NLGN4X: variants seen among roughly 807,000 people sequenced by gnomAD.
NLGN4X encodes the protein neuroligin-4, X-linked.
Under a neutral mutation model 40.3 loss-of-function variants are expected in NLGN4X, and 3 were observed. That is an observed-to-expected ratio of 0.07 (90% confidence interval 0.03 to 0.19). NLGN4X has a LOEUF of 0.19. NLGN4X is among the 10% of genes least tolerant of loss of function. NLGN4X has a pLI of 1.00. For synonymous variants in NLGN4X, 270 were observed against 306.8 expected (o/e 0.88, Z 1.25); for missense variants, 382 against 708.3 (o/e 0.54, Z 5.23).
chrX:5,915,314 T>C (rs1352881739), intron 3 of NLGN4X, among the ~76,000 whole-genome samples: 2 of 112,070 alleles, frequency 1.8e-5, no homozygotes, highest in Non-Finnish European at 3.8e-5. Flanking sequence ...CACATTTATC[T>C]AGAATTAAGC....
In NLGN4X at chrX:5,892,644, G is replaced by T. The variant is rs1301688757; in HGVS notation, c.*173C>A. On this transcript the variant is annotated 3_prime_UTR_variant, in exon 6 of 6. Transcript: ENST00000381095. ...AATACTGGAAAACACCAACGATAAG[G>T]GTCTGCCGGGATGGGATGACTGCCT... The T allele has an allele frequency of 3.4e-6, 2 of 581,726 alleles. No individual in the cohort carries two copies. Among genetic ancestry groups the T allele is most frequent in the Non-Finnish European group, 5.5e-6 (2 of 366,460 alleles). 47.9% of individuals were successfully genotyped at this position (581,726 alleles called of 1,213,427 possible). A position where few individuals can be genotyped will look rare whatever the true frequency, so the allele number is the denominator to read the frequency against.
rs868091920 is a variant in NLGN4X, at chrX:6,218,481, C to T, written c.-306+10060G>A. ...GGACATGAGAGATTAAACCCACACACACACACACACACACACACACACACA... is the reference window on the plus strand; with the variant it reads ...GGACATGAGAGATTAAACCCACACATACACACACACACACACACACACACA... On this transcript the variant is annotated intron_variant, in intron 1 of 5. Transcript: ENST00000381095. Among the ~76,000 whole-genome samples the T allele has an allele frequency of 6.4e-4, 69 of 107,647 alleles. No individual in the cohort carries two copies. The South Asian group carries it at 8.5e-3, about 13-fold the overall frequency. The allele number at this position is 107,647 out of a possible 115,157, so 93.5% of individuals were successfully genotyped here.
At chrX:5,909,708 C>T (rs764979817) in intron 3 of NLGN4X, among the ~76,000 whole-genome samples, 4 of 105,337 alleles carry the variant, frequency 3.8e-5, no homozygotes, top group African/African-American at 1.1e-4. Flanking sequence ...TGCATGTATA[C>T]AAAGGCAGTG....
intron 2 of NLGN4X, among the ~76,000 whole-genome samples, chrX:6,138,958 CTCAT>C (rs1050676707): frequency 1.8e-5 from 2 of 110,992 alleles, no homozygotes; most frequent in African/African-American, 6.5e-5. Flanking sequence ...GAAATTTGTT[CTCAT>C]TATTATCTGA....
Position 6,151,684 on chromosome X carries a change from A to C in NLGN4X, c.-218T>G. On this transcript the variant is annotated 5_prime_UTR_variant, in exon 2 of 6. Transcript: ENST00000381095. Reference sequence around the variant, plus strand: ...GAGGCAGCCCTCCCTTAATCCTGAAACTGGATTCCAGCAACTGCAATGCTC... The same window carrying C: ...GAGGCAGCCCTCCCTTAATCCTGAACCTGGATTCCAGCAACTGCAATGCTC... 2.3e-6 allele frequency: 1 copy of C among 431,614 alleles called. No homozygotes were observed. Among genetic ancestry groups the C allele is most frequent in the Non-Finnish European group, 4.0e-6 (1 of 247,468 alleles). 35.6% of individuals were successfully genotyped at this position (431,614 alleles called of 1,213,427 possible). A position where few individuals can be genotyped will look rare whatever the true frequency, so the allele number is the denominator to read the frequency against.
At chrX:6,053,868 T>G (rs1467053562) in intron 2 of NLGN4X, among the ~76,000 whole-genome samples, 1 of 112,322 alleles carries the variant, frequency 8.9e-6, no homozygotes, top group Non-Finnish European at 1.9e-5. Flanking sequence ...AAATAATCAT[T>G]GCAGTCACCA....
At chrX:5,923,026 T>A (rs922430829) in intron 3 of NLGN4X, among the ~76,000 whole-genome samples, 1 of 112,380 alleles carries the variant, frequency 8.9e-6, no homozygotes, top group Non-Finnish European at 1.9e-5. Flanking sequence ...ACATTCACAA[T>A]GTGGTATAAT....
In NLGN4X at chrX:5,999,995, C is replaced by T. The variant is rs1602038259; in HGVS notation, c.625+29285G>A. ...TATATCAGTGTGGACAAATCTGAAT[C>T]AGCCATACAGAATGTAACAATAAAA... On this transcript the variant is annotated intron_variant, in intron 3 of 5. Coordinates refer to ENST00000381095, the MANE Select transcript of NLGN4X (RefSeq NM_181332.3). Among the ~76,000 whole-genome samples, 3 of 112,453 alleles carry T rather than the reference C, an allele frequency of 2.7e-5. No individual in the cohort carries two copies. The South Asian group carries it at 1.1e-3, about 41-fold the overall frequency.
At chrX:6,202,892 T>A (rs755965596) in intron 1 of NLGN4X, among the ~76,000 whole-genome samples, 2 of 112,191 alleles carry the variant, frequency 1.8e-5, no homozygotes, top group Admixed American at 9.4e-5. Context: ...CAACCTTGGA[T>A]GGTTATTCAT....
intron 1 of NLGN4X, among the ~76,000 whole-genome samples, chrX:6,153,776 C>T (rs1602329221): frequency 1.8e-5 from 2 of 111,942 alleles, no homozygotes; most frequent in South Asian, 3.7e-4. Context: ...GACTATGAGT[C>T]ACTTATTGGT....
intron 1 of NLGN4X, among the ~76,000 whole-genome samples, chrX:6,167,069 C>CAAAAAAAAAAA (rs869227439): frequency 1.7e-5 from 1 of 59,287 alleles, no homozygotes; most frequent in Non-Finnish European, 2.9e-5. Flanking sequence ...GAAACTGTCT[C>CAAAAAAAAAAA]AAAAAAAAAA....
intron 3 of NLGN4X, chrX:5,991,618 C>G: frequency 2.3e-6 from 1 of 432,922 alleles, no homozygotes; most frequent in Non-Finnish European, 4.3e-6. Context: ...ATGCAGTGTT[C>G]AGAGGAAGAC....
rs149512448 is a variant in NLGN4X at position 5,903,373 on chromosome X, C to T, written c.1305G>A (p.Thr435=). The T allele has an allele frequency of 2.9e-4, 348 of 1,209,388 alleles. 1 individual carries two copies. The Middle Eastern group carries it at 3.7e-3, about 13-fold the overall frequency. The change falls in exon 5 of 6, where the codon ACG becomes ACA. Residue 435 remains threonine, a synonymous_variant. Coordinates refer to ENST00000381095, the MANE Select transcript of NLGN4X (RefSeq NM_181332.3). ...TDWADKENPE[T]RRKTLVALFT... ...AGAGAGCCACCAGGGTTTTCCGCCG[C>T]GTCTCCGGGTTTTCCTTATCGGCCC...
At chrX:6,225,049 G>A (rs899930413) in intron 1 of NLGN4X, among the ~76,000 whole-genome samples, 3 of 93,633 alleles carry the variant, frequency 3.2e-5, no homozygotes, top group East Asian at 3.3e-4. Context: ...TGTAGAATGC[G>A]TGTGTGTATG....
At chrX:6,080,822 T>C (rs140856555) in intron 2 of NLGN4X, among the ~76,000 whole-genome samples, 3 of 111,405 alleles carry the variant, frequency 2.7e-5, no homozygotes, top group African/African-American at 6.5e-5. Context: ...TTTACGACTA[T>C]GTGAAAATTT....
intron 3 of NLGN4X, among the ~76,000 whole-genome samples, chrX:5,960,972 C>T (rs1276935693): frequency 2.7e-5 from 3 of 111,011 alleles, no homozygotes; most frequent in Non-Finnish European, 3.8e-5. Context: ...TTTCAGACCT[C>T]GGGGGGAGAA....
intron 2 of NLGN4X, among the ~76,000 whole-genome samples, chrX:6,082,331 T>C (rs1268385921): frequency 9.2e-6 from 1 of 108,419 alleles, no homozygotes; most frequent in Non-Finnish European, 1.9e-5. Flanking sequence ...AGCCCAGGAA[T>C]TCAAAAACAG....
intron 1 of NLGN4X, among the ~76,000 whole-genome samples, chrX:6,173,262 T>C (rs774295207): frequency 1.8e-5 from 2 of 112,321 alleles, no homozygotes; most frequent in Admixed American, 1.9e-4. Context: ...ATTTGTGTTG[T>C]TGGGGCTCAG....
intron 1 of NLGN4X, among the ~76,000 whole-genome samples, chrX:6,221,391 T>TTA (rs60897428): frequency 0.048 from 2,570 of 53,117 alleles, 72 homozygotes; most frequent in East Asian, 0.096. Flanking sequence ...CCTTCTTATA[T>TTA]TATATATATA....
Sources: gnomAD v4.1 joint callset for allele counts (sites outside exome capture counted in the v4.1 genomes callset) on GRCh38, gnomAD v4.1.1 for gene constraint, MANE v1.5 for transcripts, NCBI Gene and HGNC (gene_info 2026-07-23, HGNC 2026-07-21) for gene names.